ANKRD46: variants seen among roughly 807,000 people sequenced by gnomAD.
ANKRD46 encodes ankyrin repeat domain 46, also known as ankyrin repeat domain-containing protein 46.
Under a neutral mutation model 19.8 loss-of-function variants are expected in ANKRD46, and 13 were observed. The ratio of observed to expected loss-of-function variants is 0.66; its 90% CI spans 0.43 to 1.04. The LOEUF (loss-of-function observed/expected upper bound fraction) is 1.04. ANKRD46 is among the 50% of genes least tolerant of loss of function. The pLI, the probability that ANKRD46 is intolerant of heterozygous loss-of-function variation, is 0.00. For missense variants in ANKRD46, 185 were observed against 274.8 expected, an observed-to-expected ratio of 0.67 and a Z score of 2.31; for synonymous variants, 91 against 106.9, an observed-to-expected ratio of 0.85 and a Z score of 0.92.
At chr8:100,554,822 A>C (rs2130710844) in intron 1 of ANKRD46, 1 of 152,342 alleles carries the variant, frequency 6.6e-6, no homozygotes, top group South Asian at 2.1e-4. Context: ...ACTTGAGGTC[A>C]GGAGTTAGAG....
intron 1 of ANKRD46, among the ~76,000 whole-genome samples, chr8:100,549,546 T>C (rs1345257397): frequency 6.6e-6 from 1 of 152,190 alleles, no homozygotes; most frequent in East Asian, 1.9e-4. Context: ...GTGAGCATAT[T>C]TTTTATTACT....
chr8:100,550,449 C>T lies in ANKRD46; in HGVS notation c.-131+9262G>A, dbSNP rs1400025726. On this transcript the variant is annotated intron_variant, in intron 1 of 4. Transcript: ENST00000335659. The surrounding 1 kb of genome is among the most constrained non-coding windows in gnomAD (Gnocchi z 4.4). ...AGCATCTTTTTCATATGTTTATTTG[C>T]CATCTGTATATCCTCTGTGATGAGG... 1 of 152,176 alleles carries T rather than the reference C, an allele frequency of 6.6e-6. No homozygotes were observed. The highest frequency in any genetic ancestry group is 1.9e-4 in the East Asian group (1 of 5,206). The allele number at this position is 152,176 out of a possible 1,614,324, so 9.4% of individuals were successfully genotyped here.
At position 100,521,710 on chromosome 8, in the gene ANKRD46, A is replaced by G. The variant is rs1181533092; in HGVS notation, c.*845T>C. On this transcript the variant is annotated 3_prime_UTR_variant, in exon 5 of 5. Transcript: ENST00000335659. Reference sequence around the variant, plus strand: ...CTTATAGAACTGAGTTTTTCACTATAATAGCACTACAGAATTATGACAGTT... The same window carrying G: ...CTTATAGAACTGAGTTTTTCACTATGATAGCACTACAGAATTATGACAGTT... The G allele has an allele frequency of 1.0e-6, 1 of 985,272 alleles. No homozygotes were observed. Among genetic ancestry groups the G allele is most frequent in the Non-Finnish European group, 1.2e-6 (1 of 829,888 alleles). 61.0% of individuals were successfully genotyped at this position (985,272 alleles called of 1,614,324 possible).
At position 100,537,529 on chromosome 8, in the gene ANKRD46, T is replaced by A. The variant is rs1210142335; in HGVS notation, c.-130-4218A>T. Among the ~76,000 whole-genome samples, 3 of 152,228 alleles carry A rather than the reference T, an allele frequency of 2.0e-5. No individual in the cohort carries two copies. The highest frequency in any genetic ancestry group is 2.0e-4 in the Admixed American group (3 of 15,276). On this transcript the variant is annotated intron_variant, in intron 1 of 4. Coordinates refer to ENST00000335659, the MANE Select transcript of ANKRD46 (RefSeq NM_001270377.2). The surrounding 1 kb of genome is among the most constrained non-coding windows in gnomAD (Gnocchi z 4.2). ...TATCACTTGCTTATTCTTATCCTTT[T>A]AAGAGGATACAGCTGTTTCAAAATA...
At chr8:100,558,029 C>G (rs1454515571) in intron 1 of ANKRD46, among the ~76,000 whole-genome samples, 1 of 152,200 alleles carries the variant, frequency 6.6e-6, no homozygotes, top group East Asian at 1.9e-4. Context: ...TTTGTTCACT[C>G]TCACATCCCC....
intron 1 of ANKRD46, among the ~76,000 whole-genome samples, chr8:100,549,901 C>T (rs1812347979): frequency 6.6e-6 from 1 of 152,192 alleles, no homozygotes; most frequent in African/African-American, 2.4e-5. Context: ...ATAATTTTGC[C>T]TTTTCCAGAA....
intron 1 of ANKRD46, among the ~76,000 whole-genome samples, chr8:100,540,044 T>C (rs1359202497): frequency 1.3e-5 from 2 of 152,236 alleles, no homozygotes; most frequent in African/African-American, 4.8e-5. Flanking sequence ...ATGCAAATAA[T>C]TGCTTGGCAA....
chr8:100,527,886 G>A lies in ANKRD46; in HGVS notation c.429C>T (p.Thr143=). ...EQEVKGFNRG[T]HSKLETMQTA... ...TTTGCATGGTCTCCAGTTTCGAGTG[G>A]GTTCCTCTGTTAAATCCTTTCACCT... The change falls in exon 4 of 5, where the codon ACC becomes ACT. Residue 143 remains threonine (T), a synonymous_variant. Transcript: ENST00000335659. This position sits in a 1 kb window ranked among gnomAD's most constrained non-coding sequence, Gnocchi z 4.0. 6.2e-7 allele frequency: 1 copy of A among 1,613,482 alleles called. No individual in the cohort carries two copies. Among genetic ancestry groups the A allele is most frequent in the Non-Finnish European group, 8.5e-7 (1 of 1,179,846 alleles).
In ANKRD46 at chr8:100,544,777, A is replaced by G. The variant is rs1393947233; in HGVS notation, c.-130-11466T>C. Among the ~76,000 whole-genome samples, 1 of 152,202 alleles carries G rather than the reference A, an allele frequency of 6.6e-6. No individual in the cohort carries two copies. Among genetic ancestry groups the G allele is most frequent in the Non-Finnish European group, 1.5e-5 (1 of 68,040 alleles). ...GAAAACTATAATGAAATATACAAATATAAGATGCTATATATTTTTTCTTAG... is the reference window on the plus strand; with the variant it reads ...GAAAACTATAATGAAATATACAAATGTAAGATGCTATATATTTTTTCTTAG... On this transcript the variant is annotated intron_variant, in intron 1 of 4. Transcript: ENST00000335659. This position sits in a 1 kb window ranked among gnomAD's most constrained non-coding sequence, Gnocchi z 4.4.
intron 1 of ANKRD46, among the ~76,000 whole-genome samples, chr8:100,542,669 C>A (rs1019979383): frequency 1.3e-5 from 2 of 151,954 alleles, no homozygotes; most frequent in African/African-American, 4.8e-5. Flanking sequence ...AGAAATGGCT[C>A]CAGGTTCACA....
At position 100,553,927 on chromosome 8, in the gene ANKRD46, C is replaced by T. The variant is rs564946891; in HGVS notation, c.-131+5784G>A. Among the ~76,000 whole-genome samples the T allele has an allele frequency of 2.2e-4, 33 of 152,324 alleles. No homozygotes were observed. In the South Asian group the frequency reaches 6.8e-3, roughly 32 times the overall value. On this transcript the variant is annotated intron_variant, in intron 1 of 4. Transcript: ENST00000335659. ...TGGAAAGGTAGCTAAATAAACCATT[C>T]GTGCTCTTGCATTTGTTTCTGATTT...
intron 1 of ANKRD46, among the ~76,000 whole-genome samples, chr8:100,535,242 T>C (rs533624612): frequency 6.6e-6 from 1 of 152,334 alleles, no homozygotes; most frequent in African/African-American, 2.4e-5. Context: ...TGTTAATAGC[T>C]TCCCTAAGAA....
chr8:100,556,746 A>C (rs1414540105), intron 1 of ANKRD46: 1 of 152,152 alleles, frequency 6.6e-6, no homozygotes, highest in Non-Finnish European at 1.5e-5. Flanking sequence ...ATCTTACTTG[A>C]CTTGTCAATC....
Position 100,529,385 on chromosome 8 carries a change from T to C in ANKRD46, c.311+138A>G. Reference sequence around the variant, plus strand: ...TCATTCCCTCACTTGCCTAACAGGATTACACTGTCTTCAATGCTTTCTGAA... The same window carrying C: ...TCATTCCCTCACTTGCCTAACAGGACTACACTGTCTTCAATGCTTTCTGAA... On this transcript the variant is annotated intron_variant, in intron 3 of 4. Coordinates refer to ENST00000335659, the MANE Select transcript of ANKRD46 (RefSeq NM_001270377.2). This position sits in a 1 kb window ranked among gnomAD's most constrained non-coding sequence, Gnocchi z 5.8. 1 of 931,784 alleles carries C rather than the reference T, an allele frequency of 1.1e-6. No homozygotes were observed. The highest frequency in any genetic ancestry group is 1.8e-5 in the South Asian group (1 of 55,764). 57.7% of individuals were successfully genotyped at this position (931,784 alleles called of 1,614,324 possible).
In ANKRD46 at chr8:100,529,248, T is replaced by G. The variant is rs553418013; in HGVS notation, c.311+275A>C. On this transcript the variant is annotated intron_variant, in intron 3 of 4. Transcript: ENST00000335659. The surrounding 1 kb of genome is among the most constrained non-coding windows in gnomAD (Gnocchi z 5.8). ...CTAGCTCATAGATTTTCAACAAATG[T>G]TCTTTTCTTCTTCTTCCCTTGTTGT... Among the ~76,000 whole-genome samples, 1 of 152,372 alleles carries G rather than the reference T, an allele frequency of 6.6e-6. No individual in the cohort carries two copies. Among genetic ancestry groups the G allele is most frequent in the Admixed American group, 6.5e-5 (1 of 15,306 alleles).
chr8:100,530,117 TAA>T (rs1436074721), intron 2 of ANKRD46, among the ~76,000 whole-genome samples: 32 of 152,214 alleles, frequency 2.1e-4, no homozygotes, highest in African/African-American at 7.5e-4. Flanking sequence ...GTAAAAAGAT[TAA>T]GAGATATTTT....
chr8:100,510,663 T>TAAA lies in ANKRD46; in HGVS notation c.637-27_637-25dup, dbSNP rs752453421. On this transcript the variant is annotated intron_variant, in intron 5 of 5. Transcript: ENST00000520552. The surrounding 1 kb of genome is among the most constrained non-coding windows in gnomAD (Gnocchi z 4.9). ...CTCTGTAAATGTGGGGAAGACAGAT[T>TAAA]AAAAAAAAAAAAAAATCCCAGTTCT... The TAAA allele has an allele frequency of 1.9e-5, 25 of 1,285,002 alleles. No individual in the cohort carries two copies. The highest frequency in any genetic ancestry group is 7.2e-5 in the South Asian group (5 of 69,028). 79.6% of individuals were successfully genotyped at this position (1,285,002 alleles called of 1,614,324 possible). A position where few individuals can be genotyped will look rare whatever the true frequency, so the allele number is the denominator to read the frequency against.
chr8:100,517,094 T>C (rs1421412159), downstream of ANKRD46, among the ~76,000 whole-genome samples: 4 of 152,198 alleles, frequency 2.6e-5, no homozygotes, highest in Non-Finnish European at 2.9e-5. Context: ...TTTGTGAAGA[T>C]TGAGTTAATA....
Position 100,546,729 on chromosome 8 carries a change from C to A in ANKRD46, c.-131+12982G>T, listed in dbSNP as rs1350462434. On this transcript the variant is annotated intron_variant, in intron 1 of 4. Coordinates refer to ENST00000335659, the MANE Select transcript of ANKRD46 (RefSeq NM_001270377.2). The surrounding 1 kb of genome is among the most constrained non-coding windows in gnomAD (Gnocchi z 4.0). ...AGATCCACTGACAGCTTGCACCATG[C>A]ATCTGGAAAAGCCACAAGCATTTAA... Among the ~76,000 whole-genome samples the A allele has an allele frequency of 1.3e-5, 2 of 152,242 alleles. No homozygotes were observed. The highest frequency in any genetic ancestry group is 4.8e-5 in the African/African-American group (2 of 41,470).
Sources: gnomAD v4.1 joint callset for allele counts (sites outside exome capture counted in the v4.1 genomes callset) on GRCh38, gnomAD v4.1.1 for gene constraint, Gnocchi (gnomAD v3.1) non-coding constraint, MANE v1.5 for transcripts, NCBI Gene and HGNC (gene_info 2026-07-23, HGNC 2026-07-21) for gene names.